Variants in TAF4 observed in about 807,000 individuals in gnomAD.
The protein encoded by TAF4 is TATA-box binding protein associated factor 4.
Under a neutral mutation model 90.3 loss-of-function variants are expected in TAF4, and 9 were observed. That is an observed-to-expected ratio of 0.10 (90% CI 0.06 to 0.17). TAF4 has a LOEUF of 0.17. Among genes scored for constraint, TAF4 ranks in the 10% least tolerant of loss-of-function variants. The probability of loss-of-function intolerance (pLI) is 1.00; values close to 1 mark genes in which losing one functional copy is unlikely to be tolerated. For synonymous variants in TAF4, 818 were observed against 638.9 expected (o/e 1.28, Z -4.23); for missense variants, 1,351 against 1,370.7 (o/e 0.99, Z 0.23).
At chr20:61,996,655 A>C (rs904650377) in intron 14 of TAF4, among the ~76,000 whole-genome samples, 2 of 150,980 alleles carry the variant, frequency 1.3e-5, no homozygotes, top group Non-Finnish European at 3.0e-5. Context: ...AGAAATTAGC[A>C]GGGCGTGGTG....
intron 14 of TAF4, among the ~76,000 whole-genome samples, chr20:61,988,514 G>C (rs370933026): frequency 6.6e-6 from 1 of 152,184 alleles, no homozygotes; most frequent in East Asian, 1.9e-4. Context: ...TAACTTTCCT[G>C]TAAGTATAGA....
At chr20:62,048,582 T>C (rs2145510143) in intron 1 of TAF4, among the ~76,000 whole-genome samples, 1 of 152,126 alleles carries the variant, frequency 6.6e-6, no homozygotes, top group South Asian at 2.1e-4. Flanking sequence ...TTAAGCAGGA[T>C]CGTCTCCCCA....
At chr20:62,049,734 C>G (rs1272592369) in intron 1 of TAF4, among the ~76,000 whole-genome samples, 2 of 152,086 alleles carry the variant, frequency 1.3e-5, no homozygotes, top group African/African-American at 4.8e-5. Flanking sequence ...CAGAGGGAGG[C>G]AGGGCCCGGG....
At chr20:62,029,682 C>A (rs571124950) in intron 1 of TAF4, among the ~76,000 whole-genome samples, 56 of 152,054 alleles carry the variant, frequency 3.7e-4, no homozygotes, top group Admixed American at 3.3e-4. Flanking sequence ...CCGAGGCAGG[C>A]GGATCACGAG....
intron 2 of TAF4, among the ~76,000 whole-genome samples, chr20:62,013,590 T>G (rs1187898236): frequency 6.6e-6 from 1 of 152,194 alleles, no homozygotes; most frequent in Admixed American, 6.5e-5. Flanking sequence ...TCCGTCCACG[T>G]CCCTGTCTAT....
At chr20:62,047,076 G>A (rs1178955238) in intron 1 of TAF4, among the ~76,000 whole-genome samples, 2 of 152,052 alleles carry the variant, frequency 1.3e-5, no homozygotes, top group Non-Finnish European at 1.5e-5. Flanking sequence ...CCTATGTATC[G>A]ACTTTCTGCC....
chr20:61,982,312 AC>A (rs2055552249), intron 14 of TAF4, among the ~76,000 whole-genome samples: 2 of 27,916 alleles, frequency 7.2e-5, no homozygotes, highest in Non-Finnish European at 1.5e-4. Context: ...CAAAACCCAC[AC>A]CCCATCCGAG....
intron 1 of TAF4, 50 bp from the exon 2 acceptor site, chr20:62,014,757 TGAG>T (rs2050143432): frequency 1.3e-6 from 2 of 1,598,308 alleles, no homozygotes; most frequent in African/African-American, 2.7e-5. Flanking sequence ...CCCAGAGCCA[TGAG>T]GAGGCCCTGG....
chr20:62,013,983 G>A (rs1319332826), intron 2 of TAF4, among the ~76,000 whole-genome samples: 3 of 148,110 alleles, frequency 2.0e-5, no homozygotes, highest in East Asian at 4.0e-4. Context: ...CTCAGGAGTC[G>A]GGAGCTTCGG....
chr20:62,039,171 A>G (rs2055950177), intron 1 of TAF4, among the ~76,000 whole-genome samples: 1 of 152,190 alleles, frequency 6.6e-6, no homozygotes, highest in Admixed American at 6.5e-5. Flanking sequence ...GTTTTCGAAA[A>G]AGCAGCACTG....
intron 14 of TAF4, among the ~76,000 whole-genome samples, chr20:61,978,094 C>A (rs1474174647): frequency 8.2e-6 from 1 of 121,312 alleles, no homozygotes; most frequent in Non-Finnish European, 1.8e-5. Context: ...CGAGACCAAC[C>A]AAGGGAGGGC....
chr20:61,987,406 A>G lies in TAF4; in HGVS notation c.3090+10144T>C, dbSNP rs2055599568. On this transcript the variant is annotated intron_variant, in intron 14 of 14. Coordinates refer to ENST00000252996, the MANE Select transcript of TAF4 (RefSeq NM_003185.4). ...ATCGAATAAGGAGAAAATATTTGCA[A>G]AAGACACATCTGATAATGGACTATT... 3.3e-5 allele frequency among the ~76,000 whole-genome samples: 5 copies of G among 152,256 alleles called. No individual in the cohort carries two copies. In the South Asian group the frequency reaches 8.3e-4, roughly 25 times the overall value.
Position 62,061,442 on chromosome 20 carries a change from C to T in TAF4, c.1360+3009G>A, listed in dbSNP as rs185556294. Among the ~76,000 whole-genome samples the T allele has an allele frequency of 7.2e-5, 11 of 152,346 alleles. No homozygotes were observed. In the East Asian group the frequency reaches 1.2e-3, roughly 16 times the overall value. On this transcript the variant is annotated intron_variant, in intron 1 of 14. Coordinates refer to ENST00000252996, the MANE Select transcript of TAF4 (RefSeq NM_003185.4). ...TTTTCTGTCCTGGAATGGGAATCTA[C>T]ACTTGGGCCAAATCTTAGAGCAAAA...
intron 14 of TAF4, among the ~76,000 whole-genome samples, 180 bp downstream of exon 14, chr20:61,997,370 C>T (rs1357041196): frequency 2.6e-5 from 4 of 152,208 alleles, no homozygotes; most frequent in South Asian, 2.1e-4. Flanking sequence ...GTGATAGCCA[C>T]AAATAAGCTG....
intron 1 of TAF4, among the ~76,000 whole-genome samples, chr20:62,025,584 T>C (rs565863050): frequency 8.5e-5 from 13 of 152,322 alleles, no homozygotes; most frequent in Admixed American, 8.5e-4. Flanking sequence ...GCTTCATAAA[T>C]GGCAGTTTCC....
chr20:62,003,259 G>C lies in TAF4; in HGVS notation c.2387C>G (p.Pro796Arg). The change falls in exon 9 of 15, where the codon CCC (proline) becomes CGC (arginine). Residue 796 changes from proline (P) to arginine (R), a missense_variant. Physicochemically the swap from Pro to Arg is moderately radical, Grantham distance 103 (BLOSUM62 -2). This residue lies in a region of TAF4 where 202 missense variants were observed against 229.7 expected (regional missense o/e 0.88). Transcript: ENST00000252996. ...NPLQPVPVVK[P>R]AVLPGTKALS... Reference sequence around the variant, plus strand: ...GGCTTTGGTTCCAGGTAACACGGCGGGTTTCACCACAGGGACTACAAAACA... The same window carrying C: ...GGCTTTGGTTCCAGGTAACACGGCGCGTTTCACCACAGGGACTACAAAACA... The C allele has an allele frequency of 6.2e-7, 1 of 1,614,056 alleles. No homozygotes were observed. The highest frequency in any genetic ancestry group is 2.2e-5 in the East Asian group (1 of 44,884).
intron 1 of TAF4, among the ~76,000 whole-genome samples, chr20:62,021,967 C>T (rs917997760): frequency 3.3e-5 from 5 of 152,206 alleles, no homozygotes; most frequent in South Asian, 2.1e-4. Flanking sequence ...GAGGGCGCTC[C>T]GAAACTCAGG....
intron 1 of TAF4, among the ~76,000 whole-genome samples, chr20:62,051,847 G>A (rs1215970399): frequency 6.6e-6 from 1 of 152,222 alleles, no homozygotes; most frequent in Non-Finnish European, 1.5e-5. Context: ...CAGGGATGCA[G>A]TGATGACAAA....
At chr20:61,998,110 G>C (rs377102223) in intron 13 of TAF4, 26 bp downstream of exon 13, 1 of 1,612,780 alleles carries the variant, frequency 6.2e-7, no homozygotes, top group Non-Finnish European at 8.5e-7. Flanking sequence ...AAGTGCCCAC[G>C]AGCACTCACG....
Sources: gnomAD v4.1 joint callset for allele counts (sites outside exome capture counted in the v4.1 genomes callset) on GRCh38, gnomAD v4.1.1 for gene constraint, gnomAD v4.1.1 regional missense constraint, MANE v1.5 for transcripts, NCBI Gene and HGNC (gene_info 2026-07-23, HGNC 2026-07-21) for gene names.